Variants in ATF7IP observed in about 807,000 individuals in gnomAD.
ATF7IP encodes activating transcription factor 7-interacting protein 1.
ATF7IP carries 23 observed loss-of-function variants against 106.4 expected under a neutral mutation model. That is an observed-to-expected ratio of 0.22 (90% CI 0.16 to 0.31). The LOEUF (loss-of-function observed/expected upper bound fraction) is 0.31. Ranked by LOEUF, ATF7IP falls within the 10% of genes least tolerant of loss-of-function variation. ATF7IP has a pLI of 1.00. For synonymous variants in ATF7IP, 542 were observed against 539.0 expected (o/e 1.01, Z -0.08); for missense variants, 1,334 against 1,524.3 (o/e 0.88, Z 2.08).
In ATF7IP at chr12:14,500,651, G is replaced by A. The variant is rs1160779483; in HGVS notation, c.*2578G>A. 1 of 152,020 alleles carries A rather than the reference G, an allele frequency of 6.6e-6. No homozygotes were observed. Among genetic ancestry groups the A allele is most frequent in the Non-Finnish European group, 1.5e-5 (1 of 67,996 alleles). The allele number at this position is 152,020 out of a possible 1,614,324, so 9.4% of individuals were successfully genotyped here. A position where few individuals can be genotyped will look rare whatever the true frequency, so the allele number is the denominator to read the frequency against. On this transcript the variant is annotated 3_prime_UTR_variant, in exon 15 of 15. Coordinates refer to ENST00000261168, the MANE Select transcript of ATF7IP (RefSeq NM_018179.5). ...ATTGTTCTTTATTGGGTGTTTTTATGGTCACGTGGTAACAATTTTCTTACC... is the reference window on the plus strand; with the variant it reads ...ATTGTTCTTTATTGGGTGTTTTTATAGTCACGTGGTAACAATTTTCTTACC...
chr12:14,399,996 A>G (rs1209985446), intron 1 of ATF7IP, among the ~76,000 whole-genome samples: 4 of 152,188 alleles, frequency 2.6e-5, no homozygotes, highest in African/African-American at 9.7e-5. Context: ...CATAGTGTCT[A>G]TATAAGTTAC....
At chr12:14,483,385 G>C (rs1051839214) in intron 13 of ATF7IP, among the ~76,000 whole-genome samples, 2 of 152,086 alleles carry the variant, frequency 1.3e-5, no homozygotes, top group African/African-American at 4.8e-5. Context: ...TTGGTAGTCC[G>C]GGACAGTCAC....
At chr12:14,373,403 T>A (rs975020711) in intron 1 of ATF7IP, among the ~76,000 whole-genome samples, 1 of 152,196 alleles carries the variant, frequency 6.6e-6, no homozygotes, top group African/African-American at 2.4e-5. Flanking sequence ...TGAAACATGA[T>A]TACTCTCTAG....
intron 1 of ATF7IP, among the ~76,000 whole-genome samples, chr12:14,423,112 T>C (rs1258653711): frequency 6.6e-6 from 1 of 152,202 alleles, no homozygotes; most frequent in Admixed American, 6.5e-5. Flanking sequence ...TTCATTGTGG[T>C]TTTGACTTGC....
intron 13 of ATF7IP, among the ~76,000 whole-genome samples, chr12:14,491,094 C>T (rs555589508): frequency 2.6e-5 from 4 of 152,270 alleles, no homozygotes; most frequent in Admixed American, 2.6e-4. Context: ...TCCCTCTCTG[C>T]CCCTCACACC....
intron 1 of ATF7IP, among the ~76,000 whole-genome samples, chr12:14,402,479 A>C (rs368466931): frequency 6.6e-6 from 1 of 152,010 alleles, no homozygotes; most frequent in African/African-American, 2.4e-5. Flanking sequence ...CTCCCTGACA[A>C]TACTTCTAAT....
At chr12:14,470,695 G>A (rs981784850) in intron 10 of ATF7IP, among the ~76,000 whole-genome samples, 8 of 152,184 alleles carry the variant, frequency 5.3e-5, no homozygotes, top group African/African-American at 1.9e-4. Context: ...ATGTGTTAAT[G>A]CATGTAAAGC....
chr12:14,425,697 A>C (rs1188919624), intron 2 of ATF7IP, among the ~76,000 whole-genome samples: 4 of 152,170 alleles, frequency 2.6e-5, no homozygotes, highest in African/African-American at 9.7e-5. Flanking sequence ...TAAGTAGAAA[A>C]TATGCCCTTA....
chr12:14,485,494 C>T (rs1944573576), intron 13 of ATF7IP, among the ~76,000 whole-genome samples: 1 of 152,136 alleles, frequency 6.6e-6, no homozygotes, highest in African/African-American at 2.4e-5. Context: ...GTTTTTGCTA[C>T]TTCTTGCTCA....
intron 13 of ATF7IP, chr12:14,481,944 A>G (rs1239654496): frequency 6.5e-6 from 1 of 153,988 alleles, no homozygotes; most frequent in Non-Finnish European, 1.4e-5. Flanking sequence ...TGCATGTTAC[A>G]TATGTAGATG....
At chr12:14,383,183 A>G (rs1236217128) in intron 1 of ATF7IP, among the ~76,000 whole-genome samples, 1 of 152,146 alleles carries the variant, frequency 6.6e-6, no homozygotes, top group East Asian at 1.9e-4. Flanking sequence ...TTATTGGAGA[A>G]TTCTGGATTT....
chr12:14,489,288 A>G (rs562054968), intron 13 of ATF7IP, among the ~76,000 whole-genome samples: 8 of 152,282 alleles, frequency 5.3e-5, no homozygotes, highest in Admixed American at 1.3e-4. Flanking sequence ...GCAGTCCGGG[A>G]CAGTCACCAC....
chr12:14,370,024 G>A (rs369041491), intron 1 of ATF7IP, among the ~76,000 whole-genome samples: 1 of 150,790 alleles, frequency 6.6e-6, no homozygotes, highest in Non-Finnish European at 1.5e-5. Flanking sequence ...CGCAACCTCC[G>A]CCTCCCAGGT....
chr12:14,382,778 A>G (rs1413945224), intron 1 of ATF7IP, among the ~76,000 whole-genome samples: 1 of 152,246 alleles, frequency 6.6e-6, no homozygotes, highest in African/African-American at 2.4e-5. Context: ...ATCCTTATAT[A>G]AAGATTATTT....
At chr12:14,403,518 T>C (rs1472031744) in intron 1 of ATF7IP, among the ~76,000 whole-genome samples, 1 of 152,166 alleles carries the variant, frequency 6.6e-6, no homozygotes, top group Non-Finnish European at 1.5e-5. Context: ...ATTGAATTGA[T>C]TGTTGTGCTG....
intron 1 of ATF7IP, among the ~76,000 whole-genome samples, chr12:14,398,389 T>G (rs960337423): frequency 3.3e-5 from 5 of 150,426 alleles, no homozygotes; most frequent in Non-Finnish European, 5.9e-5. Flanking sequence ...ATCTAAAAGT[T>G]TTTTTTTTTA....
intron 4 of ATF7IP, among the ~76,000 whole-genome samples, chr12:14,437,881 G>A (rs572575234): frequency 6.6e-6 from 1 of 151,968 alleles, no homozygotes; most frequent in East Asian, 1.9e-4. Context: ...GTGAAACCCC[G>A]TCTCTACTAA....
chr12:14,486,355 C>T (rs1048964618), intron 13 of ATF7IP, among the ~76,000 whole-genome samples: 7 of 152,140 alleles, frequency 4.6e-5, no homozygotes, highest in African/African-American at 1.7e-4. Context: ...TGCACAGTTA[C>T]CCTGGTAAAA....
Position 14,487,222 on chromosome 12 carries a change from C to T in ATF7IP, c.3280+6037C>T, listed in dbSNP as rs145760322. Among the ~76,000 whole-genome samples, 30 of 150,856 alleles carry T rather than the reference C, an allele frequency of 2.0e-4. No individual in the cohort carries two copies. In the East Asian group the frequency reaches 5.4e-3, roughly 27 times the overall value. On this transcript the variant is annotated intron_variant, in intron 13 of 14. Coordinates refer to ENST00000261168, the MANE Select transcript of ATF7IP (RefSeq NM_018179.5). Reference sequence around the variant, plus strand: ...CAGCCTGATCCAACTTTGTTCCTTCCATCATAATCTTATACCCTTAATATC... The same window carrying T: ...CAGCCTGATCCAACTTTGTTCCTTCTATCATAATCTTATACCCTTAATATC...
Sources: allele counts gnomAD v4.1 joint callset (sites outside exome capture counted in the v4.1 genomes callset), GRCh38; gene constraint gnomAD v4.1.1; transcripts MANE v1.5; gene names NCBI Gene and HGNC (gene_info 2026-07-23, HGNC 2026-07-21).